Variants in COTL1 observed in about 807,000 individuals in gnomAD.
COTL1 encodes the protein coactosin like F-actin binding protein 1, also known as coactosin-like protein.
In COTL1, 15 loss-of-function variants were observed where a neutral mutation model predicts 16.5. That is an observed-to-expected ratio of 0.91 (90% confidence interval 0.61 to 1.40). The LOEUF (loss-of-function observed/expected upper bound fraction) is 1.40, where lower values mean the gene tolerates loss of function less well. Ranked by LOEUF, COTL1 falls within the 40% of genes most tolerant of loss-of-function variation. The pLI is 0.00. For missense variants in COTL1, 220 were observed against 201.5 expected, an observed-to-expected ratio of 1.09 and a Z score of -0.56; for synonymous variants, 112 against 85.3, an observed-to-expected ratio of 1.31 and a Z score of -1.73.
At chr16:84,615,681 C>T (rs1475702449) in intron 2 of COTL1, among the ~76,000 whole-genome samples, 1 of 152,200 alleles carries the variant, frequency 6.6e-6, no homozygotes, top group African/African-American at 2.4e-5. Context: ...TGCACTTACT[C>T]CACTTGCAAA....
chr16:84,610,746 C>T lies in COTL1; in HGVS notation c.160+6755G>A, dbSNP rs936170762. Among the ~76,000 whole-genome samples the T allele has an allele frequency of 3.3e-5, 5 of 152,052 alleles. No homozygotes were observed. The East Asian group carries it at 9.6e-4, about 29-fold the overall frequency. ...GCTGGACAGAAAAAAAAACATCAATCTCTACATCTCTCTCTGTGGTGTTTT... is the reference window on the plus strand; with the variant it reads ...GCTGGACAGAAAAAAAAACATCAATTTCTACATCTCTCTCTGTGGTGTTTT... On this transcript the variant is annotated intron_variant, in intron 2 of 3. Coordinates refer to ENST00000262428, the MANE Select transcript of COTL1 (RefSeq NM_021149.5).
chr16:84,617,895 T>C lies in COTL1; in HGVS notation c.20A>G (p.Lys7Arg), dbSNP rs750581233. MATKID[K>R]EACRAAYNLV... ...GTTGTACGCCGCCCGGCAAGCCTCT[T>C]TGTCGATCTTGGTGGCCATCGCCGC... Residue 7 changes from lysine (K) to arginine (R), a missense_variant, in exon 1 of 4, where the codon AAA (lysine) becomes AGA (arginine). Coordinates refer to ENST00000262428, the MANE Select transcript of COTL1 (RefSeq NM_021149.5). 4.5e-6 allele frequency: 7 copies of C among 1,563,302 alleles called. No homozygotes were observed. In the South Asian group the frequency reaches 7.0e-5, roughly 16 times the overall value.
chr16:84,591,495 A>G (rs1904861496), intron 2 of COTL1, among the ~76,000 whole-genome samples: 1 of 150,086 alleles, frequency 6.7e-6, no homozygotes, highest in African/African-American at 2.4e-5. Flanking sequence ...GATTTTTTGA[A>G]TTTTTAAAGT....
intron 2 of COTL1, among the ~76,000 whole-genome samples, chr16:84,609,115 T>C (rs1369262456): frequency 6.6e-6 from 1 of 152,126 alleles, no homozygotes; most frequent in Non-Finnish European, 1.5e-5. Context: ...CGCCCAAATT[T>C]CTGAAACCCG....
chr16:84,611,822 G>A (rs1395490970), intron 2 of COTL1, among the ~76,000 whole-genome samples: 4 of 152,214 alleles, frequency 2.6e-5, no homozygotes, highest in Non-Finnish European at 5.9e-5. Flanking sequence ...GAAACAAAAT[G>A]TGATTTCACA....
intron 3 of COTL1, among the ~76,000 whole-genome samples, chr16:84,578,956 G>T (rs1359526631): frequency 6.6e-6 from 1 of 150,680 alleles, no homozygotes; most frequent in African/African-American, 2.5e-5. Context: ...GGTGCACACA[G>T]GTATGCACAC....
chr16:84,584,514 T>C (rs988212688), intron 3 of COTL1, among the ~76,000 whole-genome samples: 4 of 152,174 alleles, frequency 2.6e-5, no homozygotes, highest in Non-Finnish European at 4.4e-5. Flanking sequence ...ACAGGTGAAG[T>C]ATGAGCTTTT....
intron 2 of COTL1, among the ~76,000 whole-genome samples, chr16:84,593,515 C>T (rs1437584732): frequency 1.4e-5 from 2 of 139,620 alleles, no homozygotes; most frequent in Non-Finnish European, 3.1e-5. Context: ...ATTTTAACCA[C>T]TTTTTTTTTT....
At chr16:84,589,665 C>G (rs551016439) in intron 3 of COTL1, among the ~76,000 whole-genome samples, 20 of 152,218 alleles carry the variant, frequency 1.3e-4, no homozygotes, top group African/African-American at 3.9e-4. Context: ...TGTCCATTTT[C>G]TTTAATGGCC....
intron 2 of COTL1, among the ~76,000 whole-genome samples, chr16:84,607,177 G>A (rs749133413): frequency 1.4e-4 from 22 of 152,242 alleles, no homozygotes; most frequent in Admixed American, 3.3e-4. Context: ...ACCACCATAC[G>A]GGACACCAAC....
chr16:84,599,742 G>T (rs1905074553), intron 2 of COTL1, among the ~76,000 whole-genome samples: 1 of 152,148 alleles, frequency 6.6e-6, no homozygotes. Context: ...CTCCGGAGAG[G>T]TTATGCAAAC....
chr16:84,584,269 C>A (rs752356504), intron 3 of COTL1, among the ~76,000 whole-genome samples: 7 of 152,254 alleles, frequency 4.6e-5, no homozygotes, highest in African/African-American at 1.7e-4. Context: ...GCCCCTGCTG[C>A]CCCGTGGCCT....
chr16:84,575,742 A>G (rs1387988751), intron 3 of COTL1: 1 of 152,110 alleles, frequency 6.6e-6, no homozygotes, highest in African/African-American at 2.4e-5. Flanking sequence ...ACAAACAGGC[A>G]CCCTTGTCCA....
intron 2 of COTL1, among the ~76,000 whole-genome samples, chr16:84,605,098 C>G (rs1020473260): frequency 2.6e-5 from 4 of 152,188 alleles, no homozygotes; most frequent in Middle Eastern, 3.2e-3. Context: ...GAAATGGCCT[C>G]TAAACAACAG....
chr16:84,613,752 T>C (rs1597188134), intron 2 of COTL1, among the ~76,000 whole-genome samples: 1 of 152,242 alleles, frequency 6.6e-6, no homozygotes, highest in Non-Finnish European at 1.5e-5. Context: ...TGGACACTTT[T>C]GTGAAAGTGG....
intron 2 of COTL1, among the ~76,000 whole-genome samples, chr16:84,608,232 G>A (rs1018113614): frequency 2.6e-5 from 4 of 152,232 alleles, no homozygotes; most frequent in African/African-American, 9.6e-5. Context: ...TATAAAATCT[G>A]TAAGGGATGC....
intron 2 of COTL1, among the ~76,000 whole-genome samples, chr16:84,614,905 C>T (rs757293050): frequency 2.0e-5 from 3 of 152,124 alleles, no homozygotes; most frequent in Non-Finnish European, 4.4e-5. Flanking sequence ...TGCCTGGGTT[C>T]AAGTCCCAAC....
chr16:84,588,167 G>A (rs2150686922), intron 3 of COTL1, among the ~76,000 whole-genome samples: 1 of 152,152 alleles, frequency 6.6e-6, no homozygotes, highest in South Asian at 2.1e-4. Context: ...GAATGCTTGA[G>A]TCCAGGAATT....
At chr16:84,607,100 C>T (rs1350322611) in intron 2 of COTL1, among the ~76,000 whole-genome samples, 2 of 152,192 alleles carry the variant, frequency 1.3e-5, no homozygotes, top group Non-Finnish European at 2.9e-5. Flanking sequence ...ATACCACCAC[C>T]AAAGGGACAA....
Sources: allele counts gnomAD v4.1 joint callset (sites outside exome capture counted in the v4.1 genomes callset), GRCh38; gene constraint gnomAD v4.1.1; transcripts MANE v1.5; gene names NCBI Gene and HGNC (gene_info 2026-07-23, HGNC 2026-07-21).